Variants in UBE2E3 observed in about 807,000 individuals in gnomAD.
The protein encoded by UBE2E3 is ubiquitin conjugating enzyme E2 E3.
In UBE2E3, 5 loss-of-function variants were observed where a neutral mutation model predicts 23.6. The ratio of observed to expected loss-of-function variants is 0.21; its 90% CI spans 0.11 to 0.44. The LOEUF (loss-of-function observed/expected upper bound fraction) is 0.44. Among genes scored for constraint, UBE2E3 ranks in the 20% least tolerant of loss-of-function variants. The probability of loss-of-function intolerance (pLI) is 0.99; values close to 1 mark genes in which losing one functional copy is unlikely to be tolerated. For synonymous variants in UBE2E3, 78 were observed against 87.5 expected (o/e 0.89, Z 0.60); for missense variants, 81 against 249.8 (o/e 0.32, Z 4.55).
chr2:181,034,823 G>A (rs1411530566), intron 3 of UBE2E3, among the ~76,000 whole-genome samples: 1 of 152,086 alleles, frequency 6.6e-6, no homozygotes, highest in Non-Finnish European at 1.5e-5. Context: ...AACAAATGTG[G>A]CTTTCAACAG....
chr2:181,042,312 T>C (rs899305892), intron 3 of UBE2E3, among the ~76,000 whole-genome samples: 2 of 152,226 alleles, frequency 1.3e-5, no homozygotes, highest in African/African-American at 4.8e-5. Context: ...CTTCAGAGGC[T>C]GTTTACATGT....
intron 3 of UBE2E3, among the ~76,000 whole-genome samples, chr2:181,033,428 G>A (rs1246881675): frequency 1.3e-5 from 2 of 152,174 alleles, no homozygotes; most frequent in East Asian, 1.9e-4. Context: ...AAGAAATGGG[G>A]AAAGGATTTC....
chr2:181,037,656 TA>T (rs943128482), intron 3 of UBE2E3, among the ~76,000 whole-genome samples: 11 of 151,998 alleles, frequency 7.2e-5, no homozygotes, highest in Admixed American at 5.2e-4. Flanking sequence ...ATCAGAAAGT[TA>T]AAAAAAAATT....
intron 3 of UBE2E3, among the ~76,000 whole-genome samples, chr2:181,044,997 A>G (rs1160036076): frequency 1.3e-5 from 2 of 152,204 alleles, no homozygotes; most frequent in African/African-American, 4.8e-5. Context: ...GGACACTAAA[A>G]TAAGATTTTA....
intron 3 of UBE2E3, among the ~76,000 whole-genome samples, chr2:180,992,598 C>T (rs1357743372): frequency 6.6e-6 from 1 of 152,176 alleles, no homozygotes; most frequent in African/African-American, 2.4e-5. Context: ...ATGCCTCAAG[C>T]AATCCTCCCA....
At chr2:181,057,998 AAAT>A (rs1271093417) in intron 4 of UBE2E3, among the ~76,000 whole-genome samples, 173 bp downstream of exon 4, 1 of 151,826 alleles carries the variant, frequency 6.6e-6, no homozygotes, top group African/African-American at 2.4e-5. Flanking sequence ...CTCCTTTCAC[AAAT>A]AATTTGTAAT....
At chr2:180,988,651 C>T (rs62180080) in intron 3 of UBE2E3, among the ~76,000 whole-genome samples, 35,332 of 152,022 alleles carry the variant, frequency 0.23, 4,476 homozygotes, top group Non-Finnish European at 0.28. Context: ...AGCATTCTTT[C>T]CATGTCTGTG....
At chr2:180,992,670 T>G (rs1394638229) in intron 3 of UBE2E3, among the ~76,000 whole-genome samples, 1 of 152,144 alleles carries the variant, frequency 6.6e-6, no homozygotes, top group Non-Finnish European at 1.5e-5. Context: ...TAACTTTTTT[T>G]TTCTTTTTGG....
chr2:181,036,213 TG>T (rs1263695272), intron 3 of UBE2E3, among the ~76,000 whole-genome samples: 2 of 152,160 alleles, frequency 1.3e-5, no homozygotes, highest in Non-Finnish European at 2.9e-5. Flanking sequence ...TGGCATGGGT[TG>T]GGCATATAGA....
At chr2:181,025,256 A>G (rs892565496) in intron 3 of UBE2E3, among the ~76,000 whole-genome samples, 1 of 151,980 alleles carries the variant, frequency 6.6e-6, no homozygotes, top group Non-Finnish European at 1.5e-5. Flanking sequence ...CTACTCTCTT[A>G]AATAGACCAC....
intron 3 of UBE2E3, among the ~76,000 whole-genome samples, chr2:181,050,302 T>C (rs1232548713): frequency 2.0e-5 from 3 of 151,966 alleles, no homozygotes; most frequent in Non-Finnish European, 1.5e-5. Context: ...TTCAACTCTT[T>C]CAAAACTTGA....
intron 3 of UBE2E3, among the ~76,000 whole-genome samples, chr2:181,018,598 G>GTTTTTTTTTTTTTTTT (rs4018770): frequency 7.8e-6 from 1 of 129,008 alleles, no homozygotes. Flanking sequence ...CAATTTCTGT[G>GTTTTTTTTTTTTTTTT]TTTTTTTTTT....
At chr2:181,027,611 CT>C (rs1052362923) in intron 3 of UBE2E3, among the ~76,000 whole-genome samples, 1 of 151,720 alleles carries the variant, frequency 6.6e-6, no homozygotes, top group Non-Finnish European at 1.5e-5. Context: ...TTTGAAGGTC[CT>C]TAATAAAACA....
chr2:181,057,087 C>T (rs867204372), intron 3 of UBE2E3, among the ~76,000 whole-genome samples: 8 of 151,732 alleles, frequency 5.3e-5, no homozygotes, highest in South Asian at 4.2e-4. Flanking sequence ...TAAAGAAAGG[C>T]GGAAAGGACC....
intron 3 of UBE2E3, among the ~76,000 whole-genome samples, chr2:181,054,725 C>T (rs1263594618): frequency 1.3e-5 from 2 of 151,742 alleles, no homozygotes; most frequent in Non-Finnish European, 2.9e-5. Flanking sequence ...AAAATCTAGG[C>T]TGCAGTTACA....
rs1558941404 is a variant in UBE2E3 at position 181,062,861 on chromosome 2, A to G, written c.597A>G (p.Arg199=). 5.6e-6 allele frequency: 9 copies of G among 1,608,310 alleles called. No individual in the cohort carries two copies. The highest frequency in any genetic ancestry group is 7.7e-6 in the Non-Finnish European group (9 of 1,176,392). Residue 199 remains arginine (R), a synonymous_variant, in exon 6 of 6, where the codon AGA becomes AGG. Coordinates refer to ENST00000410062, the MANE Select transcript of UBE2E3 (RefSeq NM_006357.4). ...TNRAEHDRIA[R]QWTKRYAT is the part of the protein sequence containing the mutation. ...GAGCAGAACACGACAGGATAGCCAG[A>G]CAGTGGACCAAGAGATACGCAACAT... is the stretch of plus-strand genomic sequence containing the variant.
chr2:181,002,332 G>A (rs746460212), intron 3 of UBE2E3, among the ~76,000 whole-genome samples: 16 of 152,066 alleles, frequency 1.1e-4, no homozygotes, highest in Non-Finnish European at 2.2e-4. Context: ...TGCTCACTGC[G>A]TTAGGTAAGG....
intron 3 of UBE2E3, among the ~76,000 whole-genome samples, chr2:181,054,474 T>C (rs1227444741): frequency 6.6e-6 from 1 of 151,848 alleles, no homozygotes; most frequent in Non-Finnish European, 1.5e-5. Flanking sequence ...TAACTTGAAA[T>C]TCCCTAATGA....
In UBE2E3 at chr2:181,026,530, A is replaced by T. The variant is rs527978373; in HGVS notation, c.246-31163A>T. On this transcript the variant is annotated intron_variant, in intron 3 of 5. Transcript: ENST00000410062. ...CTTTCAACTATTTTTTTTTTTTTTT[A>T]AATCCTTGATACATGCTTTCCAAAG... 1.2e-4 allele frequency among the ~76,000 whole-genome samples: 18 copies of T among 144,596 alleles called. 1 individual carries two copies. The highest frequency in any genetic ancestry group is 1.1e-3 in the South Asian group (5 of 4,582). The allele number at this position is 144,596 out of a possible 152,430, so 94.9% of individuals were successfully genotyped here.
Sources: allele counts gnomAD v4.1 joint callset (sites outside exome capture counted in the v4.1 genomes callset), GRCh38; gene constraint gnomAD v4.1.1; transcripts MANE v1.5; gene names NCBI Gene and HGNC (gene_info 2026-07-23, HGNC 2026-07-21).